The following ARHGEF19 variants were observed in gnomAD, a reference collection of about 807,000 sequenced individuals.
The protein encoded by ARHGEF19 is Rho guanine nucleotide exchange factor (GEF) 19.
A neutral mutation model predicts 87.6 loss-of-function variants in ARHGEF19; 92 were observed. The observed-to-expected ratio is 1.05, with a 90% CI of 0.89 to 1.25. ARHGEF19 has a LOEUF of 1.25. Among genes scored for constraint, ARHGEF19 ranks in the 50% most tolerant of loss-of-function variants. The pLI is 0.00. For missense variants in ARHGEF19, 1,054 were observed against 1,051.8 expected (o/e 1.00, Z -0.03); for synonymous variants, 438 against 446.2 (o/e 0.98, Z 0.23).
In ARHGEF19 at chr1:16,208,732, G is replaced by T. The variant is rs1289597389; in HGVS notation, c.323C>A (p.Ala108Asp). 1 of 1,609,942 alleles carries T rather than the reference G, an allele frequency of 6.2e-7. No homozygotes were observed. The highest frequency in any genetic ancestry group is 8.5e-7 in the Non-Finnish European group (1 of 1,178,672). Residue 108 changes from alanine to aspartate, a missense_variant, in exon 2 of 16, where the codon GCC (alanine) becomes GAC (aspartate). Ala to Asp is a moderately radical substitution (Grantham distance 126). Coordinates refer to ENST00000270747, the MANE Select transcript of ARHGEF19 (RefSeq NM_153213.5). The stretch of plus-strand genomic sequence containing the variant: ...GGGTCCCTCCAGAGCTGGGGGCTGG[G>T]CACCAGGACAGTGTGGCCAGCTGCC... The part of the protein sequence containing the change: ...RAGSWPHCPG[A>D]QPPALEGPWS...
intron 1 of ARHGEF19, among the ~76,000 whole-genome samples, chr1:16,210,263 G>A (rs2081186814): frequency 6.6e-6 from 1 of 152,104 alleles, no homozygotes; most frequent in Non-Finnish European, 1.5e-5. Context: ...AAACCCTGTG[G>A]TGAGGCAAGC....
intron 14 of ARHGEF19, among the ~76,000 whole-genome samples, chr1:16,200,793 C>T (rs959821429): frequency 1.3e-5 from 2 of 150,416 alleles, no homozygotes; most frequent in African/African-American, 4.9e-5. Context: ...CCCAGCTACT[C>T]GCAAGGCTAA....
rs748299712 is a variant in ARHGEF19, at chr1:16,207,042, C to A, written c.1043G>T (p.Arg348Leu). The change falls in exon 6 of 16, where the codon CGA (arginine) becomes CTA (leucine). Residue 348 changes from arginine to leucine, a missense_variant. By Grantham distance (102) the Arg-to-Leu change is moderately radical. Coordinates refer to ENST00000270747, the MANE Select transcript of ARHGEF19 (RefSeq NM_153213.5). The surrounding 1 kb of genome is among the most constrained non-coding windows in gnomAD (Gnocchi z 4.0). Reference protein sequence around the residue: ...SSSFRAQRSARGSTFSLWQDI... With the variant: ...SSSFRAQRSALGSTFSLWQDI... ...CTGCCACAGCGAGAAGGTGGAGCCT[C>A]GCGCCGAGCGCTGCGCCCGGAAGGA... 6.0e-6 allele frequency: 9 copies of A among 1,509,298 alleles called. No homozygotes were observed. Among genetic ancestry groups the A allele is most frequent in the Non-Finnish European group, 7.1e-6 (8 of 1,131,760 alleles). 93.5% of individuals were successfully genotyped at this position (1,509,298 alleles called of 1,614,324 possible).
intron 14 of ARHGEF19, 147 bp from the exon 15 acceptor site, chr1:16,199,401 C>T (rs560772865): frequency 7.4e-6 from 5 of 672,402 alleles, no homozygotes; most frequent in East Asian, 2.7e-5. Flanking sequence ...TGCCATGCCA[C>T]AGGCCCACGT....
chr1:16,208,387 C>T (rs570650184), intron 2 of ARHGEF19, among the ~76,000 whole-genome samples, 162 bp from the exon 3 acceptor site: 3 of 152,248 alleles, frequency 2.0e-5, no homozygotes, highest in African/African-American at 2.4e-5. Context: ...CTGGGGTCCA[C>T]GAGAGGGGTA....
intron 15 of ARHGEF19, 94 bp downstream of exon 15, chr1:16,199,056 C>T: frequency 2.4e-6 from 3 of 1,274,208 alleles, no homozygotes; most frequent in Non-Finnish European, 3.4e-6. Context: ...CAGATCAACA[C>T]TTGCAGAACC....
At chr1:16,208,262 G>A (rs1195769673) in intron 2 of ARHGEF19, 37 bp from the exon 3 acceptor site, 1 of 1,595,580 alleles carries the variant, frequency 6.3e-7, no homozygotes, top group South Asian at 1.1e-5. Flanking sequence ...CACGGGCTGG[G>A]GTCTCCCCCA....
chr1:16,203,656 G>A (rs769896012), intron 12 of ARHGEF19, among the ~76,000 whole-genome samples: 1 of 151,996 alleles, frequency 6.6e-6, no homozygotes, highest in Non-Finnish European at 1.5e-5. Flanking sequence ...GCCACATTAG[G>A]CTTCATGATT....
rs759520000 is a variant in ARHGEF19 at position 16,205,332 on chromosome 1, C to G, written c.1656+19G>C. On this transcript the variant is annotated intron_variant, in intron 10 of 15. Coordinates refer to ENST00000270747, the MANE Select transcript of ARHGEF19 (RefSeq NM_153213.5). The surrounding 1 kb of genome is among the most constrained non-coding windows in gnomAD (Gnocchi z 5.8). ...GGGGGGCCTCAGGAGCCAAGCAGCC[C>G]CTGCCCTGCCCAGCTCACCTCCTTG... is the stretch of plus-strand genomic sequence containing the variant. 6.8e-6 allele frequency: 11 copies of G among 1,613,876 alleles called. No individual in the cohort carries two copies. Among genetic ancestry groups the G allele is most frequent in the Non-Finnish European group, 9.3e-6 (11 of 1,179,864 alleles).
At position 16,207,770 on chromosome 1, in the gene ARHGEF19, T is replaced by C. The variant is rs1417208737; in HGVS notation, c.702A>G (p.Ala234=). Residue 234 remains alanine, a synonymous_variant, in exon 4 of 16, where the codon GCA becomes GCG. Transcript: ENST00000270747. The surrounding 1 kb of genome is among the most constrained non-coding windows in gnomAD (Gnocchi z 4.0). ...CTACACTTCGAGCCTCCATTCCAGA[T>C]GCTTTCCCTGGAGAGGGCGAGAACT... is the stretch of plus-strand genomic sequence containing the variant. The part of the protein sequence containing the change: ...SGTGAAREGK[A]SGMEARSVEM... 2.5e-6 allele frequency: 4 copies of C among 1,613,896 alleles called. No individual in the cohort carries two copies. The Admixed American group carries it at 5.0e-5, about 20-fold the overall frequency.
Position 16,206,614 on chromosome 1 carries a change from C to G in ARHGEF19, c.1138-274G>C, listed in dbSNP as rs1199373112. The G allele has an allele frequency of 4.0e-6, 2 of 505,008 alleles. No homozygotes were observed. Among genetic ancestry groups the G allele is most frequent in the Non-Finnish European group, 7.1e-6 (2 of 281,228 alleles). 31.3% of individuals were successfully genotyped at this position (505,008 alleles called of 1,614,324 possible). ...CACCCCCCAGGTCCCGCCCCTGATC[C>G]TGGCCCCGCCTTGTTCCGCGCCCAC... is the stretch of plus-strand genomic sequence containing the variant. On this transcript the variant is annotated intron_variant, in intron 6 of 15. Transcript: ENST00000270747. This position sits in a 1 kb window ranked among gnomAD's most constrained non-coding sequence, Gnocchi z 4.6.
In ARHGEF19 at chr1:16,206,894, G is replaced by C; in HGVS notation, c.1137+54C>G. The C allele has an allele frequency of 7.1e-7, 1 of 1,406,378 alleles. No homozygotes were observed. The highest frequency in any genetic ancestry group is 1.5e-5 in the South Asian group (1 of 65,144). The allele number at this position is 1,406,378 out of a possible 1,614,324, so 87.1% of individuals were successfully genotyped here. On this transcript the variant is annotated intron_variant, in intron 6 of 15. Transcript: ENST00000270747. The surrounding 1 kb of genome is among the most constrained non-coding windows in gnomAD (Gnocchi z 4.6). Reference sequence around the variant, plus strand: ...TGGCCCGGTTCCCGCTAAGTCCCCGGACCGCGTACTCCCCGGCCCGCCCCC... The same window carrying C: ...TGGCCCGGTTCCCGCTAAGTCCCCGCACCGCGTACTCCCCGGCCCGCCCCC...
chr1:16,209,021 G>T lies in ARHGEF19; in HGVS notation c.34C>A (p.His12Asn), dbSNP rs747799963. ...DCGPPATLQP[H>N]LTGPPGTAHH... The stretch of plus-strand genomic sequence containing the variant: ...GCAGTGCCAGGTGGCCCAGTCAGGT[G>T]GGGCTGGAGGGTAGCAGGTGGCCCA... Residue 12 changes from histidine to asparagine, a missense_variant, in exon 2 of 16, where the codon CAC becomes AAC. Physicochemically the swap from His to Asn is moderately conservative, Grantham distance 68. Coordinates refer to ENST00000270747, the MANE Select transcript of ARHGEF19 (RefSeq NM_153213.5). 2.7e-6 allele frequency: 4 copies of T among 1,500,060 alleles called. No homozygotes were observed. The highest frequency in any genetic ancestry group is 3.6e-6 in the Non-Finnish European group (4 of 1,126,220). The allele number at this position is 1,500,060 out of a possible 1,614,324, so 92.9% of individuals were successfully genotyped here.
rs985492728 is a variant in ARHGEF19, at chr1:16,207,963, G to T, written c.675C>A (p.Gly225=). 24 of 1,610,386 alleles carry T rather than the reference G, an allele frequency of 1.5e-5. No homozygotes were observed. Among genetic ancestry groups the T allele is most frequent in the East Asian group, 2.2e-5 (1 of 44,816 alleles). ...SAARALISGS[G]TGAAREGKAS... Reference sequence around the variant, plus strand: ...TGGTACCTTCCCGGGCTGCTCCGGTGCCTGACCCAGAGATGAGTGCCCGGG... The same window carrying T: ...TGGTACCTTCCCGGGCTGCTCCGGTTCCTGACCCAGAGATGAGTGCCCGGG... Residue 225 remains glycine, a synonymous_variant, in exon 3 of 16, where the codon GGC becomes GGA. Transcript: ENST00000270747. The surrounding 1 kb of genome is among the most constrained non-coding windows in gnomAD (Gnocchi z 4.0).
Position 16,207,730 on chromosome 1 carries a change from G to A in ARHGEF19, c.742C>T (p.Arg248Trp). 1 of 1,613,968 alleles carries A rather than the reference G, an allele frequency of 6.2e-7. No homozygotes were observed. Among genetic ancestry groups the A allele is most frequent in the Middle Eastern group, 1.6e-4 (1 of 6,062 alleles). The change falls in exon 4 of 16, where the codon CGG (arginine) becomes TGG (tryptophan). Residue 248 changes from arginine to tryptophan, a missense_variant. Transcript: ENST00000270747. The surrounding 1 kb of genome is among the most constrained non-coding windows in gnomAD (Gnocchi z 4.0). The part of the protein sequence containing the change: ...EARSVEMSGD[R>W]VSRPAPGDSR... ...TCACCAGGGGCTGGCCGCGACACCC[G>A]GTCCCCGCTCATCTCTACACTTCGA...
At chr1:16,201,920 G>T in intron 13 of ARHGEF19, 59 bp from the exon 14 acceptor site, 1 of 1,568,682 alleles carries the variant, frequency 6.4e-7, no homozygotes, top group Non-Finnish European at 8.7e-7. Flanking sequence ...CCAGGGCAGG[G>T]TGCTGAAACC....
In ARHGEF19 at chr1:16,207,803, G is replaced by C. The variant is rs947329716; in HGVS notation, c.695-26C>G. The C allele has an allele frequency of 6.2e-7, 1 of 1,611,852 alleles. No individual in the cohort carries two copies. Among genetic ancestry groups the C allele is most frequent in the Non-Finnish European group, 8.5e-7 (1 of 1,179,580 alleles). ...CTGGAGAGGGCGAGAACTGAGGGTG[G>C]GGGGTCCAGAGAGTGGGCCTGGGGC... On this transcript the variant is annotated intron_variant, in intron 3 of 15. Coordinates refer to ENST00000270747, the MANE Select transcript of ARHGEF19 (RefSeq NM_153213.5). This position sits in a 1 kb window ranked among gnomAD's most constrained non-coding sequence, Gnocchi z 4.0.
chr1:16,201,631 C>T, intron 14 of ARHGEF19, 151 bp downstream of exon 14: 1 of 694,706 alleles, frequency 1.4e-6, no homozygotes, highest in Admixed American at 3.0e-5. Context: ...TTCTGCCCAG[C>T]CTTCAAGGTT....
chr1:16,207,881 TC>T lies in ARHGEF19; in HGVS notation c.694+62del. 2 of 1,539,238 alleles carry T rather than the reference TC, an allele frequency of 1.3e-6. No individual in the cohort carries two copies. Among genetic ancestry groups the T allele is most frequent in the Non-Finnish European group, 1.8e-6 (2 of 1,124,958 alleles). ...GCCTCAGGCGGCCGGTGAGTGGGCA[TC>T]GCCCACCCCCACCCCCACCCGGCAT... On this transcript the variant is annotated intron_variant, in intron 3 of 15. Transcript: ENST00000270747. This position sits in a 1 kb window ranked among gnomAD's most constrained non-coding sequence, Gnocchi z 4.0.
Sources: gnomAD v4.1 joint callset for allele counts (sites outside exome capture counted in the v4.1 genomes callset) on GRCh38, gnomAD v4.1.1 for gene constraint, Gnocchi (gnomAD v3.1) non-coding constraint, MANE v1.5 for transcripts, NCBI Gene and HGNC (gene_info 2026-07-23, HGNC 2026-07-21) for gene names.